Variants in C8B observed in about 807,000 individuals in gnomAD.
The protein encoded by C8B is complement C8 beta chain, also known as complement component C8 beta chain.
C8B carries 67 observed loss-of-function variants against 64.6 expected under a neutral mutation model. The ratio of observed to expected loss-of-function variants is 1.04; its 90% CI spans 0.85 to 1.27. The LOEUF (loss-of-function observed/expected upper bound fraction) is 1.27, where lower values mean the gene tolerates loss of function less well. Ranked by LOEUF, C8B falls within the 50% of genes most tolerant of loss-of-function variation. The pLI, the probability that C8B is intolerant of heterozygous loss-of-function variation, is 0.00. For missense variants in C8B, 790 were observed against 725.2 expected (o/e 1.09, Z -1.03); for synonymous variants, 284 against 257.7 (o/e 1.10, Z -0.98).
intron 1 of C8B, among the ~76,000 whole-genome samples, chr1:56,964,450 G>A (rs907805436): frequency 6.6e-6 from 1 of 152,158 alleles, no homozygotes; most frequent in South Asian, 2.1e-4. Flanking sequence ...AAGGCCCACT[G>A]AGGTGTCTGG....
At chr1:56,953,795 G>A (rs1220269588) in intron 4 of C8B, among the ~76,000 whole-genome samples, 1 of 152,174 alleles carries the variant, frequency 6.6e-6, no homozygotes, top group African/African-American at 2.4e-5. Context: ...CCCTACTGCT[G>A]GCTTTGAATG....
intron 5 of C8B, among the ~76,000 whole-genome samples, chr1:56,950,574 A>G (rs907406287): frequency 1.6e-4 from 25 of 152,038 alleles, no homozygotes; most frequent in African/African-American, 5.8e-4. Flanking sequence ...TCAGCCTGCA[A>G]CTCCCAGACA....
chr1:56,960,108 C>T lies in C8B; in HGVS notation c.161G>A (p.Arg54Gln), dbSNP rs772116036. 74 of 1,614,010 alleles carry T rather than the reference C, an allele frequency of 4.6e-5. No individual in the cohort carries two copies. The highest frequency in any genetic ancestry group is 1.9e-4 in the African/African-American group (14 of 74,916). Residue 54 changes from arginine to glutamine, a missense_variant, in exon 2 of 12, where the codon CGG becomes CAG. Physicochemically the swap from Arg to Gln is conservative, Grantham distance 43. Coordinates refer to ENST00000371237, the MANE Select transcript of C8B (RefSeq NM_000066.4). ...GGGCATCAGGGTAACATCCACACTC[C>T]GCATCTGTCTGCTCTTAGCAAAGCT... is the stretch of plus-strand genomic sequence containing the variant. ...NKSFAKSRQMRSVDVTLMPID... is the reference protein window; with the variant it reads ...NKSFAKSRQMQSVDVTLMPID...
chr1:56,941,858 A>G (rs527772288), intron 8 of C8B, among the ~76,000 whole-genome samples: 3 of 152,278 alleles, frequency 2.0e-5, no homozygotes, highest in Admixed American at 6.5e-5. Context: ...CCTGGTGGAA[A>G]CTGAGTTCAT....
At chr1:56,962,616 TA>T (rs1484490828) in intron 1 of C8B, among the ~76,000 whole-genome samples, 60 of 152,338 alleles carry the variant, frequency 3.9e-4, no homozygotes, top group African/African-American at 1.3e-3. Flanking sequence ...AGAAATAATA[TA>T]ATAAACACCC....
At position 56,952,101 on chromosome 1, in the gene C8B, T is replaced by A. The variant is rs760443732; in HGVS notation, c.613A>T (p.Ile205Phe). ...YYAGGCSPHYILNTRFRKPYN... is the reference protein window; with the variant it reads ...YYAGGCSPHYFLNTRFRKPYN... ...GGCTTCCTAAACCTCGTGTTCAGGA[T>A]GTAATGCGGGGAGCATCCACCTGCA... Residue 205 changes from isoleucine to phenylalanine, a missense_variant, in exon 5 of 12, where the codon ATC (isoleucine) becomes TTC (phenylalanine). Physicochemically the swap from Ile to Phe is conservative, Grantham distance 21 (BLOSUM62 0). Transcript: ENST00000371237. The A allele has an allele frequency of 6.2e-7, 1 of 1,614,168 alleles. No homozygotes were observed. Among genetic ancestry groups the A allele is most frequent in the Non-Finnish European group, 8.5e-7 (1 of 1,180,016 alleles).
chr1:56,946,367 T>C (rs563509672), intron 6 of C8B, among the ~76,000 whole-genome samples: 1 of 152,276 alleles, frequency 6.6e-6, no homozygotes, highest in East Asian at 1.9e-4. Flanking sequence ...ACCTCTCTGA[T>C]GGGACATGGG....
intron 8 of C8B, among the ~76,000 whole-genome samples, chr1:56,943,098 A>T (rs1191571723): frequency 1.3e-5 from 2 of 151,718 alleles, no homozygotes; most frequent in Admixed American, 1.3e-4. Context: ...AAAAAATAAA[A>T]AATAAATAAA....
rs1411117093 is a variant in C8B at position 56,945,927 on chromosome 1, G to C, written c.999C>G (p.Tyr333Ter). 1.2e-6 allele frequency: 2 copies of C among 1,614,020 alleles called. No homozygotes were observed. Among genetic ancestry groups the C allele is most frequent in the African/African-American group, 2.7e-5 (2 of 74,910 alleles). Residue 333 changes from tyrosine to a stop codon, truncating the protein, a stop_gained, in exon 7 of 12, where the codon TAC (tyrosine) becomes TAG (stop). Transcript: ENST00000371237. LOFTEE classifies it high-confidence loss of function. Reference sequence around the variant, plus strand: ...TCCCAAAATCACGGAAGAGATCTCTGTATTCCCCGTAGCTGTACTCCAGGG... The same window carrying C: ...TCCCAAAATCACGGAAGAGATCTCTCTATTCCCCGTAGCTGTACTCCAGGG... ...RLPLEYSYGE[Y>*]RDLFRDFGTH...
At chr1:56,961,261 AG>A (rs527258903) in intron 1 of C8B, among the ~76,000 whole-genome samples, 70 of 152,326 alleles carry the variant, frequency 4.6e-4, no homozygotes, top group African/African-American at 1.5e-3. Context: ...GTTCCTTTCC[AG>A]GGCACAAAAA....
intron 4 of C8B, among the ~76,000 whole-genome samples, chr1:56,954,271 A>G (rs1557739915): frequency 1.3e-5 from 2 of 152,198 alleles, no homozygotes; most frequent in Admixed American, 6.5e-5. Context: ...GGAGGGACCA[A>G]TGCTGGGAGA....
At chr1:56,937,635 C>T (rs1359921795) in intron 9 of C8B, among the ~76,000 whole-genome samples, 2 of 152,030 alleles carry the variant, frequency 1.3e-5, no homozygotes, top group Non-Finnish European at 2.9e-5. Flanking sequence ...AAAGACAGGC[C>T]ATTCAGTTAT....
intron 1 of C8B, among the ~76,000 whole-genome samples, chr1:56,964,423 T>G (rs920322570): frequency 6.6e-6 from 1 of 152,184 alleles, no homozygotes; most frequent in Non-Finnish European, 1.5e-5. Context: ...CTCAACTTCC[T>G]GCCGGGACCT....
chr1:56,948,081 T>C (rs965793095), intron 6 of C8B, among the ~76,000 whole-genome samples: 12 of 152,200 alleles, frequency 7.9e-5, no homozygotes, highest in African/African-American at 2.9e-4. Context: ...ATCTCTAGGA[T>C]AGTGCCTGGC....
chr1:56,940,917 G>T lies in C8B; in HGVS notation c.1330C>A (p.Pro444Thr). The change falls in exon 9 of 12, where the codon CCG becomes ACG. Residue 444 changes from proline (P) to threonine (T), a missense_variant. Coordinates refer to ENST00000371237, the MANE Select transcript of C8B (RefSeq NM_000066.4). ...CACTCCTGCATCAGGTCCGCCGTCG[G>T]CAGCTCCTGGTATGCCAGGGTGGTG... ...HITTLAYQEL[P>T]TADLMQEWGD... is the part of the protein sequence containing the mutation. 1.2e-6 allele frequency: 2 copies of T among 1,614,048 alleles called. No individual in the cohort carries two copies. The highest frequency in any genetic ancestry group is 1.7e-6 in the Non-Finnish European group (2 of 1,180,012).
At chr1:56,936,886 C>A (rs1319537418) in intron 9 of C8B, among the ~76,000 whole-genome samples, 1 of 152,150 alleles carries the variant, frequency 6.6e-6, no homozygotes. Context: ...AGCCACCACA[C>A]CTGCTGGGTT....
At chr1:56,959,852 G>T (rs376893848) in intron 2 of C8B, among the ~76,000 whole-genome samples, 168 bp downstream of exon 2, 1 of 152,222 alleles carries the variant, frequency 6.6e-6, no homozygotes, top group African/African-American at 2.4e-5. Flanking sequence ...CCAAAGGAAA[G>T]AACTTATTGC....
At chr1:56,963,701 T>TCA (rs1645211997) in intron 1 of C8B, 1 of 210,460 alleles carries the variant, frequency 4.8e-6, no homozygotes, top group African/African-American at 2.4e-5. Context: ...AGCTGTTTGT[T>TCA]AAGTGGATAG....
intron 10 of C8B, among the ~76,000 whole-genome samples, 158 bp downstream of exon 10, chr1:56,933,177 C>A (rs1644726944): frequency 6.6e-6 from 1 of 152,158 alleles, no homozygotes; most frequent in South Asian, 2.1e-4. Context: ...CCACGGTAAC[C>A]CTTGGGGCTA....
Sources: allele counts gnomAD v4.1 joint callset (sites outside exome capture counted in the v4.1 genomes callset), GRCh38; gene constraint gnomAD v4.1.1; transcripts MANE v1.5; gene names NCBI Gene and HGNC (gene_info 2026-07-23, HGNC 2026-07-21).